Variants in ZPBP observed in about 807,000 individuals in gnomAD.
ZPBP encodes the protein zona pellucida binding protein.
A neutral mutation model predicts 44.8 loss-of-function variants in ZPBP; 26 were observed. The observed-to-expected ratio is 0.58, with a 90% CI of 0.43 to 0.81. The LOEUF is 0.81. Among genes scored for constraint, ZPBP ranks in the 30% least tolerant of loss-of-function variants. The pLI is 0.00. For missense variants in ZPBP, 409 were observed against 434.0 expected (o/e 0.94, Z 0.51); for synonymous variants, 174 against 153.2 (o/e 1.14, Z -1.00).
chr7:49,974,773 C>T (rs750225692), intron 7 of ZPBP, among the ~76,000 whole-genome samples: 4 of 1,004 alleles, frequency 4.0e-3, no homozygotes, highest in Non-Finnish European at 1.9e-3. Context: ...CTGATGAATA[C>T]GCACGTTTCT....
chr7:49,872,786 C>T (rs1262540652), intron 2 of ZPBP, among the ~76,000 whole-genome samples: 1 of 147,230 alleles, frequency 6.8e-6, no homozygotes, highest in African/African-American at 2.5e-5. Flanking sequence ...TGTGGTGGCA[C>T]ACACCTGTAA....
At chr7:49,971,086 T>A (rs574167136) in intron 7 of ZPBP, among the ~76,000 whole-genome samples, 35 of 151,858 alleles carry the variant, frequency 2.3e-4, no homozygotes, top group Middle Eastern at 6.9e-3. Flanking sequence ...AGATAATACC[T>A]TGAGACAAGT....
chr7:50,009,885 CAAAATAACTCCAAAG>C (rs1798492645), intron 6 of ZPBP, among the ~76,000 whole-genome samples: 1 of 151,874 alleles, frequency 6.6e-6, no homozygotes, highest in Admixed American at 6.6e-5. Flanking sequence ...TAACGTTCTT[CAAAATAACTCCAAAG>C]AAGAGGAAAT....
At chr7:49,885,882 T>TG (rs1329730134) in intron 2 of ZPBP, among the ~76,000 whole-genome samples, 2 of 152,226 alleles carry the variant, frequency 1.3e-5, no homozygotes, top group African/African-American at 2.4e-5. Flanking sequence ...TACAGGCCCT[T>TG]GGCATGGCAG....
At chr7:49,904,033 T>C (rs561188815) in intron 1 of ZPBP, among the ~76,000 whole-genome samples, 61 of 152,232 alleles carry the variant, frequency 4.0e-4, no homozygotes, top group African/African-American at 1.4e-3. Flanking sequence ...GTAAATGAAC[T>C]CTCCCCTTGG....
intron 3 of ZPBP, among the ~76,000 whole-genome samples, chr7:50,061,993 A>C (rs182147853): frequency 6.6e-6 from 1 of 152,382 alleles, no homozygotes; most frequent in East Asian, 1.9e-4. Context: ...ATACAAAATC[A>C]ATGTATAAAA....
intron 4 of ZPBP, among the ~76,000 whole-genome samples, chr7:50,043,578 GA>G (rs1800200141): frequency 6.6e-6 from 1 of 152,158 alleles, no homozygotes; most frequent in Non-Finnish European, 1.5e-5. Flanking sequence ...AAAAGACAAA[GA>G]AGGGCATTAC....
intron 3 of ZPBP, among the ~76,000 whole-genome samples, chr7:50,076,365 A>G (rs1190905430): frequency 2.6e-5 from 4 of 151,928 alleles, no homozygotes; most frequent in Non-Finnish European, 5.9e-5. Context: ...GAACACAACA[A>G]GGATACCCAC....
chr7:50,037,146 G>A (rs1283280445), intron 4 of ZPBP, among the ~76,000 whole-genome samples: 1 of 152,088 alleles, frequency 6.6e-6, no homozygotes, highest in Non-Finnish European at 1.5e-5. Context: ...GAAATAAACT[G>A]AATAAAGTAA....
chr7:49,997,927 T>C (rs950036070), intron 6 of ZPBP, among the ~76,000 whole-genome samples: 4 of 152,176 alleles, frequency 2.6e-5, no homozygotes, highest in Admixed American at 6.5e-5. Flanking sequence ...TATTTATTCA[T>C]TTATTTTTGA....
At chr7:49,909,150 C>T (rs1172365550) in intron 1 of ZPBP, among the ~76,000 whole-genome samples, 1 of 152,106 alleles carries the variant, frequency 6.6e-6, no homozygotes, top group Non-Finnish European at 1.5e-5. Flanking sequence ...CTATTAAGTA[C>T]CAGATTTTTA....
At chr7:49,960,635 C>A (rs1281502928) in intron 7 of ZPBP, among the ~76,000 whole-genome samples, 1 of 152,032 alleles carries the variant, frequency 6.6e-6, no homozygotes, top group Non-Finnish European at 1.5e-5. Flanking sequence ...ATTGTAAGGA[C>A]TCTTACAAGT....
intron 3 of ZPBP, among the ~76,000 whole-genome samples, chr7:50,065,836 T>C (rs1053424423): frequency 6.6e-6 from 1 of 151,020 alleles, no homozygotes; most frequent in African/African-American, 2.4e-5. Flanking sequence ...TTCTAGTCTT[T>C]TTGACAATTA....
At chr7:50,051,853 C>A (rs544323092) in intron 4 of ZPBP, among the ~76,000 whole-genome samples, 1 of 152,156 alleles carries the variant, frequency 6.6e-6, no homozygotes, top group East Asian at 1.9e-4. Context: ...CTAATACATG[C>A]TGAACTTAAT....
In ZPBP at chr7:49,855,599, T is replaced by C. The variant is rs1790384303; in HGVS notation, n.510-5085A>G. On this transcript the variant is annotated intron_variant and non_coding_transcript_variant, in intron 2 of 2. Coordinates refer to the ZPBP transcript ENST00000465922. ...AAGCATTAGGTAGGTAGCGTCCCTTTAAGTCAGGACAGGTTTCTTGATCTG... is the reference window on the plus strand; with the variant it reads ...AAGCATTAGGTAGGTAGCGTCCCTTCAAGTCAGGACAGGTTTCTTGATCTG... Among the ~76,000 whole-genome samples, 3 of 152,326 alleles carry C rather than the reference T, an allele frequency of 2.0e-5. No homozygotes were observed. The South Asian group carries it at 6.2e-4, about 32-fold the overall frequency.
chr7:49,868,365 T>C (rs1791001495), intron 2 of ZPBP, among the ~76,000 whole-genome samples: 1 of 152,234 alleles, frequency 6.6e-6, no homozygotes, highest in African/African-American at 2.4e-5. Context: ...TGATGGTTCA[T>C]TTCCTTGATC....
chr7:50,046,060 T>G (rs1562868391), intron 4 of ZPBP, among the ~76,000 whole-genome samples: 1 of 152,188 alleles, frequency 6.6e-6, no homozygotes, highest in African/African-American at 2.4e-5. Flanking sequence ...GATTCCTTAT[T>G]TAATAAATGG....
chr7:50,074,470 AAT>A (rs1801988213), intron 3 of ZPBP, among the ~76,000 whole-genome samples: 2 of 151,902 alleles, frequency 1.3e-5, no homozygotes, highest in Non-Finnish European at 2.9e-5. Flanking sequence ...TCTAATAAAA[AAT>A]AGACAGAGTA....
At chr7:49,948,102 C>T (rs961640498) in intron 7 of ZPBP, among the ~76,000 whole-genome samples, 1 of 152,180 alleles carries the variant, frequency 6.6e-6, no homozygotes, top group Non-Finnish European at 1.5e-5. Context: ...CAGTGGGCTA[C>T]CCCCTAGCTC....
Sources: gnomAD v4.1 joint callset for allele counts (sites outside exome capture counted in the v4.1 genomes callset) on GRCh38, gnomAD v4.1.1 for gene constraint, MANE v1.5 for transcripts, NCBI Gene and HGNC (gene_info 2026-07-23, HGNC 2026-07-21) for gene names.